The following DLG2 variants were observed in gnomAD, a reference collection of about 807,000 sequenced individuals.
DLG2 encodes disks large homolog 2.
In DLG2, 45 loss-of-function variants were observed where a neutral mutation model predicts 132.5. That is an observed-to-expected ratio of 0.34 (90% confidence interval 0.27 to 0.44). The LOEUF is 0.44. Among genes scored for constraint, DLG2 ranks in the 20% least tolerant of loss-of-function variants. The probability of loss-of-function intolerance (pLI) is 1.00; values close to 1 mark genes in which losing one functional copy is unlikely to be tolerated. For missense variants in DLG2, 1,045 were observed against 1,196.9 expected, an observed-to-expected ratio of 0.87 and a Z score of 1.87; for synonymous variants, 424 against 419.6, an observed-to-expected ratio of 1.01 and a Z score of -0.13.
intron 3 of DLG2, among the ~76,000 whole-genome samples, chr11:85,466,277 G>C (rs111463131): frequency 6.6e-6 from 1 of 152,120 alleles, no homozygotes; most frequent in African/African-American, 2.4e-5. Context: ...TCACTCTGAT[G>C]GTAGTTTCTT....
Position 83,965,436 on chromosome 11 carries a change from G to A in DLG2, c.1089C>T (p.His363=), listed in dbSNP as rs199577400. The A allele has an allele frequency of 3.7e-5, 60 of 1,610,620 alleles. No homozygotes were observed. The highest frequency in any genetic ancestry group is 2.5e-4 in the East Asian group (11 of 44,740). ...VNNYSLEEVT[H]EEAVAILKNT... ...TCTTTAATATTGCTACTGCCTCTTC[G>A]TGTGTTACTTCTTCTAAACTGTAGT... Residue 363 remains histidine (H), a synonymous_variant, in exon 13 of 28, where the codon CAC becomes CAT. Coordinates refer to ENST00000376104, the MANE Select transcript of DLG2 (RefSeq NM_001142699.3).
intron 20 of DLG2, among the ~76,000 whole-genome samples, chr11:83,538,009 G>A (rs113264177): frequency 0.018 from 2,676 of 152,006 alleles, 80 homozygotes; most frequent in African/African-American, 0.061. Flanking sequence ...CAACCTCTTA[G>A]GATTTCAGAT....
chr11:83,749,884 G>A (rs185453177), intron 18 of DLG2, among the ~76,000 whole-genome samples: 1 of 152,270 alleles, frequency 6.6e-6, no homozygotes. Context: ...GATAAAATAA[G>A]TGAAGCGTTT....
chr11:84,432,455 A>C lies in DLG2; in HGVS notation c.519+102115T>G, dbSNP rs562321139. 2.0e-5 allele frequency among the ~76,000 whole-genome samples: 3 copies of C among 152,280 alleles called. No individual in the cohort carries two copies. The East Asian group carries it at 5.8e-4, about 29-fold the overall frequency. Reference sequence around the variant, plus strand: ...CTACTGAAGCATAAATGTTACTTCTATTTGACAGATGAGAAAACTGAGGCC... The same window carrying C: ...CTACTGAAGCATAAATGTTACTTCTCTTTGACAGATGAGAAAACTGAGGCC... On this transcript the variant is annotated intron_variant, in intron 7 of 27. Coordinates refer to ENST00000376104, the MANE Select transcript of DLG2 (RefSeq NM_001142699.3).
intron 6 of DLG2, among the ~76,000 whole-genome samples, chr11:85,066,520 G>C (rs913537174): frequency 1.3e-5 from 2 of 151,616 alleles, no homozygotes; most frequent in African/African-American, 4.8e-5. Context: ...CAATATACCT[G>C]AAGATAGAGG....
At chr11:84,389,480 C>T (rs2098784270) in intron 7 of DLG2, among the ~76,000 whole-genome samples, 1 of 151,952 alleles carries the variant, frequency 6.6e-6, no homozygotes, top group Non-Finnish European at 1.5e-5. Context: ...TAATTGTATG[C>T]TTAATTTTCT....
At chr11:83,947,238 AT>A (rs10719155) in intron 14 of DLG2, among the ~76,000 whole-genome samples, 92,766 of 151,592 alleles carry the variant, frequency 0.61, 29,976 homozygotes, top group Non-Finnish European at 0.73. Context: ...AACATTCTAG[AT>A]TTTTTTTTTA....
intron 2 of DLG2, among the ~76,000 whole-genome samples, chr11:85,612,140 T>G (rs2081050760): frequency 6.6e-6 from 1 of 152,202 alleles, no homozygotes; most frequent in African/African-American, 2.4e-5. Flanking sequence ...AACCTATAAT[T>G]GATAATTGAA....
intron 6 of DLG2, among the ~76,000 whole-genome samples, chr11:84,732,527 C>G (rs2063280595): frequency 6.6e-6 from 1 of 151,822 alleles, no homozygotes; most frequent in African/African-American, 2.4e-5. Context: ...TTGTGTTGAA[C>G]ATCTTTTCAT....
At chr11:84,290,410 GT>G (rs1334285910) in intron 7 of DLG2, among the ~76,000 whole-genome samples, 1 of 152,024 alleles carries the variant, frequency 6.6e-6, no homozygotes, top group Non-Finnish European at 1.5e-5. Flanking sequence ...AAGCCTCTTG[GT>G]TTTTCTGAGC....
chr11:85,609,765 T>A (rs984683895), intron 2 of DLG2, among the ~76,000 whole-genome samples: 9 of 152,168 alleles, frequency 5.9e-5, no homozygotes, highest in African/African-American at 1.4e-4. Context: ...GCCAGGAAAT[T>A]GACTTCCTCC....
chr11:84,979,338 C>T (rs1592144619), intron 6 of DLG2, among the ~76,000 whole-genome samples: 1 of 152,300 alleles, frequency 6.6e-6, no homozygotes, highest in South Asian at 2.1e-4. Context: ...AGTCATGCTG[C>T]TATAAAGACA....
chr11:84,986,596 C>G (rs990051004), intron 6 of DLG2, among the ~76,000 whole-genome samples: 1 of 152,092 alleles, frequency 6.6e-6, no homozygotes, highest in African/African-American at 2.4e-5. Flanking sequence ...GGGTTTCATA[C>G]CAGGGATCCA....
intron 4 of DLG2, among the ~76,000 whole-genome samples, chr11:85,188,890 G>A (rs1175684459): frequency 1.3e-5 from 2 of 152,014 alleles, no homozygotes; most frequent in African/African-American, 2.4e-5. Context: ...CACAAGTAAC[G>A]GGAGTCCCAA....
chr11:85,277,117 C>A (rs1489635411), intron 4 of DLG2, among the ~76,000 whole-genome samples: 1 of 152,092 alleles, frequency 6.6e-6, no homozygotes, highest in African/African-American at 2.4e-5. Context: ...AATGTAAGTT[C>A]AGTCCAGACA....
At chr11:85,194,903 T>C (rs544966578) in intron 4 of DLG2, among the ~76,000 whole-genome samples, 10 of 152,326 alleles carry the variant, frequency 6.6e-5, no homozygotes, top group South Asian at 2.1e-4. Flanking sequence ...TGTGTAAGCA[T>C]TGGGATGCAG....
intron 17 of DLG2, among the ~76,000 whole-genome samples, chr11:83,831,037 A>G (rs2054349374): frequency 6.6e-6 from 1 of 152,216 alleles, no homozygotes; most frequent in Admixed American, 6.5e-5. Flanking sequence ...TTCTTAATGT[A>G]CCACCATATT....
chr11:84,747,422 G>A (rs2065520453), intron 6 of DLG2, among the ~76,000 whole-genome samples: 1 of 152,076 alleles, frequency 6.6e-6, no homozygotes, highest in Admixed American at 6.6e-5. Flanking sequence ...TAGTAATTTT[G>A]AGGCAGAAAA....
chr11:85,149,713 C>A (rs764038922), intron 5 of DLG2, among the ~76,000 whole-genome samples: 1 of 151,716 alleles, frequency 6.6e-6, no homozygotes, highest in Non-Finnish European at 1.5e-5. Context: ...TTAGAGACAA[C>A]AAAAAAATAT....
Sources: allele counts gnomAD v4.1 joint callset (sites outside exome capture counted in the v4.1 genomes callset), GRCh38; gene constraint gnomAD v4.1.1; transcripts MANE v1.5; gene names NCBI Gene and HGNC (gene_info 2026-07-23, HGNC 2026-07-21).